The following DNAH14 variants were observed in gnomAD, a reference collection of about 807,000 sequenced individuals.
The protein encoded by DNAH14 is dynein axonemal heavy chain 14.
DNAH14 carries 478 observed loss-of-function variants against 520.9 expected under a neutral mutation model. The observed-to-expected ratio is 0.92, with a 90% CI of 0.85 to 0.99. The LOEUF (loss-of-function observed/expected upper bound fraction) is 0.99, where lower values mean the gene tolerates loss of function less well. Among genes scored for constraint, DNAH14 ranks in the 50% least tolerant of loss-of-function variants. The probability of loss-of-function intolerance (pLI) is 0.00; values close to 1 mark genes in which losing one functional copy is unlikely to be tolerated. For missense variants in DNAH14, 4,831 were observed against 5,234.5 expected, an observed-to-expected ratio of 0.92 and a Z score of 2.38; for synonymous variants, 1,581 against 1,757.2, an observed-to-expected ratio of 0.90 and a Z score of 2.51.
chr1:225,387,306 A>G (rs2150804498), intron 81 of DNAH14, among the ~76,000 whole-genome samples: 1 of 152,298 alleles, frequency 6.6e-6, no homozygotes, highest in South Asian at 2.1e-4. Flanking sequence ...TAACGGGTGC[A>G]GCTCACCAAC....
intron 17 of DNAH14, among the ~76,000 whole-genome samples, chr1:225,058,187 A>G (rs2069429411): frequency 6.6e-6 from 1 of 152,072 alleles, no homozygotes; most frequent in African/African-American, 2.4e-5. Flanking sequence ...GTAGGCTATT[A>G]ATTATTGCCT....
At chr1:225,371,874 A>G (rs997732483) in intron 77 of DNAH14, among the ~76,000 whole-genome samples, 5 of 152,202 alleles carry the variant, frequency 3.3e-5, no homozygotes, top group African/African-American at 1.2e-4. Flanking sequence ...CTAAATAAAG[A>G]ATAGCATAAA....
intron 36 of DNAH14, among the ~76,000 whole-genome samples, chr1:225,177,153 A>C (rs773463354): frequency 6.6e-6 from 1 of 152,210 alleles, no homozygotes; most frequent in Non-Finnish European, 1.5e-5. Context: ...AACTGGAGTA[A>C]AGGTGACTCT....
rs760828776 is a variant in DNAH14, at chr1:225,094,656, CAAAAAAA to C, written c.3574-2446_3574-2440del. On this transcript the variant is annotated intron_variant, in intron 21 of 85. Coordinates refer to ENST00000682510, the MANE Select transcript of DNAH14 (RefSeq NM_001367479.1). ...ATTAAACTAGAAAGCTTCTGCACAG[CAAAAAAA>C]AAAAAAAAAAAAAAACAACAAAACA... 1.4e-4 allele frequency among the ~76,000 whole-genome samples: 11 copies of C among 77,858 alleles called. No individual in the cohort carries two copies. In the South Asian group the frequency reaches 2.4e-3, roughly 17 times the overall value. The allele number at this position is 77,858 out of a possible 152,430, so 51.1% of individuals were successfully genotyped here.
chr1:225,188,427 G>A (rs908576212), intron 37 of DNAH14, among the ~76,000 whole-genome samples: 8 of 151,724 alleles, frequency 5.3e-5, no homozygotes, highest in African/African-American at 1.9e-4. Context: ...TGTTTTAATT[G>A]TTCTATTAAT....
chr1:225,085,585 A>G lies in DNAH14; in HGVS notation c.3369A>G (p.Ser1123=). 6.5e-7 allele frequency: 1 copy of G among 1,549,892 alleles called. No individual in the cohort carries two copies. Among genetic ancestry groups the G allele is most frequent in the Non-Finnish European group, 8.7e-7 (1 of 1,145,500 alleles). ...YENEINDMST[S]ATNEAALEKM... is the part of the protein sequence containing the mutation. ...ATGAAATAAATGATATGTCAACCTC[A>G]GCAACTAATGAAGCTGCTCTTGAAA... The change falls in exon 21 of 86, where the codon TCA becomes TCG. Residue 1123 remains serine, a synonymous_variant. Coordinates refer to ENST00000682510, the MANE Select transcript of DNAH14 (RefSeq NM_001367479.1).
chr1:225,341,283 A>G (rs1332966744), intron 69 of DNAH14, among the ~76,000 whole-genome samples: 1 of 152,040 alleles, frequency 6.6e-6, no homozygotes, highest in African/African-American at 2.4e-5. Flanking sequence ...TAACTAAAAG[A>G]TATTTTTAAA....
intron 66 of DNAH14, among the ~76,000 whole-genome samples, chr1:225,335,133 G>T (rs1397400371): frequency 7.3e-6 from 1 of 137,914 alleles, no homozygotes; most frequent in African/African-American, 2.7e-5. Context: ...GTACATATGT[G>T]CATGTGCACA....
chr1:225,102,790 G>C (rs2075633294), intron 23 of DNAH14, among the ~76,000 whole-genome samples: 1 of 152,044 alleles, frequency 6.6e-6, no homozygotes, highest in South Asian at 2.1e-4. Context: ...CTGGATATTA[G>C]CCCTTTGTTA....
intron 1 of DNAH14, among the ~76,000 whole-genome samples, chr1:224,930,066 G>A (rs2058580682): frequency 6.6e-6 from 1 of 152,210 alleles, no homozygotes; most frequent in South Asian, 2.1e-4. Flanking sequence ...CCGACCGCAG[G>A]AGCTCTCAAC....
chr1:225,030,706 GA>G (rs1401329880), intron 11 of DNAH14, among the ~76,000 whole-genome samples: 1 of 151,908 alleles, frequency 6.6e-6, no homozygotes, highest in African/African-American at 2.4e-5. Flanking sequence ...GTCTATTTCT[GA>G]ATGCTTTTTT....
intron 55 of DNAH14, among the ~76,000 whole-genome samples, chr1:225,296,942 T>G (rs1283216569): frequency 6.6e-6 from 1 of 152,206 alleles, no homozygotes; most frequent in Non-Finnish European, 1.5e-5. Context: ...ACAGTTTGAC[T>G]GTAATGTTCC....
At chr1:224,972,253 A>C (rs1283614110) in intron 7 of DNAH14, among the ~76,000 whole-genome samples, 1 of 152,054 alleles carries the variant, frequency 6.6e-6, no homozygotes, top group African/African-American at 2.4e-5. Flanking sequence ...ATATTTACTG[A>C]AGTTGTACAA....
chr1:225,221,175 A>C (rs374251332), intron 41 of DNAH14, among the ~76,000 whole-genome samples: 1 of 152,206 alleles, frequency 6.6e-6, no homozygotes, highest in East Asian at 1.9e-4. Flanking sequence ...TAAAAACTTA[A>C]ACGTCAGACC....
chr1:225,056,721 A>G (rs61849784), intron 17 of DNAH14, among the ~76,000 whole-genome samples: 393 of 152,282 alleles, frequency 2.6e-3, no homozygotes, highest in Non-Finnish European at 4.2e-3. Context: ...GGTGTAAGGA[A>G]GGGATCCAGT....
chr1:224,979,615 A>G (rs527477196), intron 8 of DNAH14, among the ~76,000 whole-genome samples: 4 of 152,284 alleles, frequency 2.6e-5, no homozygotes, highest in Admixed American at 2.0e-4. Flanking sequence ...CTTGGAACCA[A>G]TGGATGTGGG....
At chr1:224,995,440 T>C (rs1166374643) in intron 8 of DNAH14, among the ~76,000 whole-genome samples, 1 of 152,040 alleles carries the variant, frequency 6.6e-6, no homozygotes, top group Non-Finnish European at 1.5e-5. Flanking sequence ...TTTTTTTTTG[T>C]ATATGATCTG....
chr1:225,147,085 CT>C lies in DNAH14; in HGVS notation c.4795-18del. The C allele has an allele frequency of 2.1e-6, 3 of 1,458,898 alleles. No homozygotes were observed. Among genetic ancestry groups the C allele is most frequent in the Non-Finnish European group, 9.2e-7 (1 of 1,089,882 alleles). 90.4% of individuals were successfully genotyped at this position (1,458,898 alleles called of 1,614,324 possible). ...CATTATAATAATTTTAGTAATCAAT[CT>C]CTTTTTTTTTTTAAAAGATAGTGAG... On this transcript the variant is annotated intron_variant, in intron 30 of 85. Transcript: ENST00000682510.
chr1:225,148,883 G>T (rs528055016), intron 31 of DNAH14, among the ~76,000 whole-genome samples: 4 of 151,872 alleles, frequency 2.6e-5, no homozygotes, highest in African/African-American at 9.7e-5. Flanking sequence ...ATTTTCTTCC[G>T]TTCTGTGGGT....
Sources: allele counts gnomAD v4.1 joint callset (sites outside exome capture counted in the v4.1 genomes callset), GRCh38; gene constraint gnomAD v4.1.1; transcripts MANE v1.5; gene names NCBI Gene and HGNC (gene_info 2026-07-23, HGNC 2026-07-21).